The following ZSCAN25 variants were observed in gnomAD, a reference collection of about 807,000 sequenced individuals.
ZSCAN25 encodes zinc finger and SCAN domain-containing protein 25.
In ZSCAN25, 27 loss-of-function variants were observed where a neutral mutation model predicts 38.7. The ratio of observed to expected loss-of-function variants is 0.70; its 90% CI spans 0.51 to 0.96. ZSCAN25 has a LOEUF of 0.96. ZSCAN25 is among the 40% of genes least tolerant of loss of function. ZSCAN25 has a pLI of 0.00. For missense variants in ZSCAN25, 637 were observed against 705.9 expected, an observed-to-expected ratio of 0.90 and a Z score of 1.11; for synonymous variants, 273 against 277.7, an observed-to-expected ratio of 0.98 and a Z score of 0.17.
At chr7:99,649,437 T>C in the ZSCAN25 span, among the ~76,000 whole-genome samples, 4 of 152,208 alleles carry the variant, frequency 2.6e-5, no homozygotes, top group Admixed American at 2.6e-4. Flanking sequence ...AATCTTTCTT[T>C]AAATGTATCA....
chr7:99,692,099 A>T, the ZSCAN25 span, among the ~76,000 whole-genome samples: 3 of 152,228 alleles, frequency 2.0e-5, no homozygotes. Context: ...GGTGGTGACA[A>T]AATCTCTCAG....
At chr7:99,668,423 G>A in the ZSCAN25 span, among the ~76,000 whole-genome samples, 1 of 152,180 alleles carries the variant, frequency 6.6e-6, no homozygotes, top group Non-Finnish European at 1.5e-5. Flanking sequence ...GTCCAGGATG[G>A]CTTTGAATGT....
In ZSCAN25 at chr7:99,632,076, AC is replaced by A; in HGVS notation, c.*2057del. 1 of 985,356 alleles carries A rather than the reference AC, an allele frequency of 1.0e-6. No individual in the cohort carries two copies. The highest frequency in any genetic ancestry group is 4.7e-5 in the South Asian group (1 of 21,282). The allele number at this position is 985,356 out of a possible 1,614,324, so 61.0% of individuals were successfully genotyped here. ...AATCACAGATGCTCTTTTGTCATAC[AC>A]AGCCAGCATTCCTCTGGGTTTCAGC... On this transcript the variant is annotated 3_prime_UTR_variant, in exon 8 of 8. Coordinates refer to ENST00000394152, the MANE Select transcript of ZSCAN25 (RefSeq NM_145115.3).
the ZSCAN25 span, among the ~76,000 whole-genome samples, chr7:99,701,823 G>A: frequency 6.6e-6 from 1 of 152,132 alleles, no homozygotes; most frequent in African/African-American, 2.4e-5. Flanking sequence ...AGTTGTTTGT[G>A]CTCTGTGTAT....
the ZSCAN25 span, chr7:99,676,595 A>AT: frequency 6.7e-5 from 90 of 1,339,926 alleles, no homozygotes; most frequent in East Asian, 2.5e-3. Context: ...AAAGAGTAAG[A>AT]TTTTTTTTGT....
At chr7:99,704,670 A>G in the ZSCAN25 span, among the ~76,000 whole-genome samples, 1 of 152,000 alleles carries the variant, frequency 6.6e-6, no homozygotes, top group African/African-American at 2.4e-5. Flanking sequence ...ACCTATGTTA[A>G]TAATCAAATT....
Position 99,631,723 on chromosome 7 carries a change from T to C in ZSCAN25, c.*1703T>C, listed in dbSNP as rs1808011844. On this transcript the variant is annotated 3_prime_UTR_variant, in exon 8 of 8. Transcript: ENST00000394152. ...AACGTGGTTTTATCACCTGTTCTTG[T>C]TAGGCAGCATGGTGTCTAATTTTGG... 1.0e-6 allele frequency: 1 copy of C among 985,328 alleles called. No individual in the cohort carries two copies. Among genetic ancestry groups the C allele is most frequent in the Non-Finnish European group, 1.2e-6 (1 of 829,948 alleles). The allele number at this position is 985,328 out of a possible 1,614,324, so 61.0% of individuals were successfully genotyped here.
chr7:99,691,653 C>T, the ZSCAN25 span, among the ~76,000 whole-genome samples: 2 of 152,024 alleles, frequency 1.3e-5, no homozygotes, highest in Non-Finnish European at 2.9e-5. Context: ...ATGTAGTGGC[C>T]TTCTTTGTCT....
At chr7:99,707,389 G>A in the ZSCAN25 span, among the ~76,000 whole-genome samples, 1 of 152,228 alleles carries the variant, frequency 6.6e-6, no homozygotes, top group African/African-American at 2.4e-5. Context: ...GCTCCCTGGT[G>A]ATTCCAATGT....
At chr7:99,627,718 A>G (rs184167297) in intron 7 of ZSCAN25, among the ~76,000 whole-genome samples, 9 of 151,898 alleles carry the variant, frequency 5.9e-5, no homozygotes, top group Admixed American at 5.9e-4. Flanking sequence ...TATGCTGTAT[A>G]CGTATATCTC....
chr7:99,652,809 C>A, the ZSCAN25 span: 1 of 1,576,506 alleles, frequency 6.3e-7, no homozygotes, highest in Non-Finnish European at 8.7e-7. Flanking sequence ...ATTGGATAAT[C>A]TGAGATTTTG....
chr7:99,624,215 G>C (rs1807258331), intron 7 of ZSCAN25, 35 bp downstream of exon 7: 2 of 1,612,436 alleles, frequency 1.2e-6, no homozygotes, highest in South Asian at 2.2e-5. Flanking sequence ...GAGGAACTGG[G>C]GAGTTCTGAA....
At chr7:99,627,948 G>C (rs1584364800) in intron 7 of ZSCAN25, among the ~76,000 whole-genome samples, 2 of 151,696 alleles carry the variant, frequency 1.3e-5, no homozygotes, top group African/African-American at 4.8e-5. Flanking sequence ...TACGTGGTTG[G>C]GTTCGTTAAG....
the ZSCAN25 span, chr7:99,715,487 T>C: frequency 4.3e-6 from 2 of 469,934 alleles, no homozygotes; most frequent in Non-Finnish European, 7.7e-6. Flanking sequence ...GTGTCCAGAA[T>C]AGGCAAATCT....
the ZSCAN25 span, among the ~76,000 whole-genome samples, chr7:99,654,823 T>C: frequency 6.6e-6 from 1 of 152,150 alleles, no homozygotes; most frequent in Non-Finnish European, 1.5e-5. Context: ...TTGCATTTCT[T>C]TGATGGCCAG....
At chr7:99,675,638 T>A in the ZSCAN25 span, among the ~76,000 whole-genome samples, 25 of 2,854 alleles carry the variant, frequency 8.8e-3, 2 homozygotes, top group African/African-American at 0.014. Flanking sequence ...TCTCCTCTCC[T>A]CTCCTCCCCC....
At chr7:99,632,461 G>A (rs758141426), downstream of ZSCAN25, 4 of 198,542 alleles carry the variant, frequency 2.0e-5, no homozygotes, top group African/African-American at 7.1e-5. Context: ...CTGAAGTTTC[G>A]AAGTGTATCC....
At chr7:99,649,122 G>A in the ZSCAN25 span, among the ~76,000 whole-genome samples, 1 of 152,150 alleles carries the variant, frequency 6.6e-6, no homozygotes. Context: ...ACAAAGAAGT[G>A]CCAGCCTGAG....
chr7:99,632,990 T>TTTTTTTTTTTTTTTTTTTTTG (rs1491381677), downstream of ZSCAN25, among the ~76,000 whole-genome samples: 2 of 138,984 alleles, frequency 1.4e-5, no homozygotes, highest in Admixed American at 1.4e-4. Context: ...TTTTCTGTTG[T>TTTTTTTTTTTTTTTTTTTTTG]TTTTTTTTTT....
Sources: allele counts gnomAD v4.1 joint callset (sites outside exome capture counted in the v4.1 genomes callset), GRCh38; gene constraint gnomAD v4.1.1; transcripts MANE v1.5; gene names NCBI Gene and HGNC (gene_info 2026-07-23, HGNC 2026-07-21).